PDGFC: variants seen among roughly 807,000 people sequenced by gnomAD.
PDGFC encodes the protein platelet derived growth factor C.
PDGFC carries 12 observed loss-of-function variants against 35.5 expected under a neutral mutation model. The observed-to-expected ratio is 0.34, with a 90% CI of 0.22 to 0.55. The LOEUF (loss-of-function observed/expected upper bound fraction) is 0.55. Among genes scored for constraint, PDGFC ranks in the 20% least tolerant of loss-of-function variants. PDGFC has a pLI of 0.91. For missense variants in PDGFC, 322 were observed against 412.4 expected (o/e 0.78, Z 1.90); for synonymous variants, 159 against 148.8 (o/e 1.07, Z -0.50).
rs1332015882 is a variant in PDGFC, at chr4:156,762,564, C to T, written c.*526G>A. ...AAGTTTAATTCATAGCAACATAGTT[C>T]CTTTTTAAAAACCAGGTTTGTAGTA... On this transcript the variant is annotated 3_prime_UTR_variant, in exon 6 of 6. Coordinates refer to ENST00000502773, the MANE Select transcript of PDGFC (RefSeq NM_016205.3). 2 of 151,682 alleles carry T rather than the reference C, an allele frequency of 1.3e-5. No homozygotes were observed. The highest frequency in any genetic ancestry group is 4.9e-5 in the African/African-American group (2 of 41,212). The allele number at this position is 151,682 out of a possible 1,614,324, so 9.4% of individuals were successfully genotyped here.
intron 1 of PDGFC, among the ~76,000 whole-genome samples, chr4:156,911,993 A>G (rs187223548): frequency 3.0e-4 from 46 of 152,262 alleles, no homozygotes; most frequent in Non-Finnish European, 2.9e-5. Flanking sequence ...CAAGGTTTCA[A>G]TATTTAAAAA....
Position 156,922,915 on chromosome 4 carries a change from T to C in PDGFC, c.118+47871A>G, listed in dbSNP as rs570263053. Among the ~76,000 whole-genome samples the C allele has an allele frequency of 2.6e-5, 4 of 152,288 alleles. No individual in the cohort carries two copies. In the East Asian group the frequency reaches 7.7e-4, roughly 29 times the overall value. On this transcript the variant is annotated intron_variant, in intron 1 of 5. Transcript: ENST00000502773. ...AAGCAATTCCATTCACCCTGACCAC[T>C]ACTGCCCTGATACAAGTTATCACCT...
At chr4:156,846,613 T>C (rs1246023840) in intron 2 of PDGFC, among the ~76,000 whole-genome samples, 2 of 151,742 alleles carry the variant, frequency 1.3e-5, no homozygotes, top group African/African-American at 4.8e-5. Context: ...TTAAAAAACA[T>C]TTGGGGATGA....
chr4:156,909,794 T>G (rs1300717104), intron 1 of PDGFC, among the ~76,000 whole-genome samples: 1 of 152,128 alleles, frequency 6.6e-6, no homozygotes, highest in African/African-American at 2.4e-5. Flanking sequence ...CCTGTGAAAA[T>G]GAACTTATTT....
intron 1 of PDGFC, among the ~76,000 whole-genome samples, chr4:156,964,754 T>G (rs997812588): frequency 6.6e-6 from 1 of 152,114 alleles, no homozygotes; most frequent in East Asian, 1.9e-4. Context: ...CTTGACAAAG[T>G]CAAGTCAACT....
chr4:156,913,194 T>C (rs1393593287), intron 1 of PDGFC, among the ~76,000 whole-genome samples: 1 of 152,130 alleles, frequency 6.6e-6, no homozygotes. Flanking sequence ...AGTCCTTACC[T>C]CCATCCTTCA....
chr4:156,958,557 G>A (rs2343726), intron 1 of PDGFC, among the ~76,000 whole-genome samples: 3,206 of 152,088 alleles, frequency 0.021, 45 homozygotes, highest in Middle Eastern at 0.048. Flanking sequence ...AAGGCCAAAT[G>A]AGCCAACCAT....
intron 3 of PDGFC, among the ~76,000 whole-genome samples, chr4:156,796,664 C>G (rs1394183603): frequency 6.6e-6 from 1 of 151,990 alleles, no homozygotes; most frequent in Non-Finnish European, 1.5e-5. Flanking sequence ...CTCAGCCAAG[C>G]TGTATTCTCT....
chr4:156,933,053 C>A (rs541989790), intron 1 of PDGFC, among the ~76,000 whole-genome samples: 4 of 152,162 alleles, frequency 2.6e-5, no homozygotes, highest in Non-Finnish European at 5.9e-5. Context: ...CCTGCCAGAC[C>A]TTGGGCAAAT....
At chr4:156,891,768 T>C (rs955356518) in intron 1 of PDGFC, among the ~76,000 whole-genome samples, 2 of 152,212 alleles carry the variant, frequency 1.3e-5, no homozygotes, top group Admixed American at 6.5e-5. Context: ...TCCTAAGACA[T>C]AGTGGTGACT....
chr4:156,954,696 T>C (rs1732165361), intron 1 of PDGFC, among the ~76,000 whole-genome samples: 2 of 152,030 alleles, frequency 1.3e-5, no homozygotes, highest in African/African-American at 4.8e-5. Context: ...ATCATGTTCT[T>C]TGTGCATTCA....
intron 1 of PDGFC, among the ~76,000 whole-genome samples, chr4:156,881,637 C>T (rs1424989269): frequency 6.6e-6 from 1 of 152,014 alleles, no homozygotes; most frequent in Non-Finnish European, 1.5e-5. Flanking sequence ...CCGAGACCAG[C>T]CTGGCCAACA....
At chr4:156,909,851 G>C (rs1333170086) in intron 1 of PDGFC, among the ~76,000 whole-genome samples, 1 of 152,098 alleles carries the variant, frequency 6.6e-6, no homozygotes, top group African/African-American at 2.4e-5. Flanking sequence ...TGAGATAAGA[G>C]CATCTTGGAT....
intron 1 of PDGFC, among the ~76,000 whole-genome samples, chr4:156,905,345 C>CA (rs1328045041): frequency 1.3e-5 from 2 of 151,862 alleles, no homozygotes; most frequent in South Asian, 2.1e-4. Context: ...ACTCAATTCT[C>CA]AAAAAAAGCC....
intron 1 of PDGFC, among the ~76,000 whole-genome samples, chr4:156,887,178 C>G (rs574479414): frequency 8.1e-4 from 123 of 152,170 alleles, no homozygotes; most frequent in African/African-American, 2.8e-3. Flanking sequence ...CAACATCATT[C>G]AGGATGTTAT....
chr4:156,953,550 A>G (rs1732136302), intron 1 of PDGFC, among the ~76,000 whole-genome samples: 1 of 151,958 alleles, frequency 6.6e-6, no homozygotes, highest in African/African-American at 2.4e-5. Context: ...GTCTTGAAAA[A>G]GTAGAGAAAA....
chr4:156,871,050 T>TA (rs1201306511), intron 1 of PDGFC, among the ~76,000 whole-genome samples: 1 of 152,104 alleles, frequency 6.6e-6, no homozygotes. Flanking sequence ...GAGCTTTTTA[T>TA]ATAGAGTCTG....
At chr4:156,923,679 A>C (rs1162315610) in intron 1 of PDGFC, among the ~76,000 whole-genome samples, 1 of 152,204 alleles carries the variant, frequency 6.6e-6, no homozygotes, top group East Asian at 1.9e-4. Flanking sequence ...GCTCATAAAA[A>C]TAACCTATAA....
chr4:156,965,957 AGCAGTACCAGGCATTGGAATTTCTGCTTC>A (rs1029356133), intron 1 of PDGFC, among the ~76,000 whole-genome samples: 1 of 152,172 alleles, frequency 6.6e-6, no homozygotes, highest in African/African-American at 2.4e-5. Flanking sequence ...AGAGGCCTTA[AGCAGTACCAGGCATTGGAATTTCTGCTTC>A]ATCACGTGTT....
Sources: gnomAD v4.1 joint callset for allele counts (sites outside exome capture counted in the v4.1 genomes callset) on GRCh38, gnomAD v4.1.1 for gene constraint, MANE v1.5 for transcripts, NCBI Gene and HGNC (gene_info 2026-07-23, HGNC 2026-07-21) for gene names.